SKA1: variants seen among roughly 807,000 people sequenced by gnomAD.
SKA1 encodes the protein SKA complex subunit 1.
SKA1 carries 20 observed loss-of-function variants against 31.8 expected under a neutral mutation model. That is an observed-to-expected ratio of 0.63 (90% CI 0.44 to 0.91). The LOEUF (loss-of-function observed/expected upper bound fraction) is 0.91. Among genes scored for constraint, SKA1 ranks in the 40% least tolerant of loss-of-function variants. The probability of loss-of-function intolerance (pLI) is 0.00; values close to 1 mark genes in which losing one functional copy is unlikely to be tolerated. For synonymous variants in SKA1, 88 were observed against 100.5 expected (o/e 0.88, Z 0.74); for missense variants, 253 against 298.2 (o/e 0.85, Z 1.12).
intron 3 of SKA1, among the ~76,000 whole-genome samples, chr18:50,381,334 G>A (rs1470292229): frequency 1.3e-5 from 2 of 152,184 alleles, no homozygotes; most frequent in African/African-American, 4.8e-5. Flanking sequence ...CATTAAGCTG[G>A]CATGTAGGTA....
chr18:50,384,094 T>C (rs2149321051), intron 4 of SKA1, among the ~76,000 whole-genome samples: 1 of 152,336 alleles, frequency 6.6e-6, no homozygotes, highest in South Asian at 2.1e-4. Context: ...TTCTAAGCTT[T>C]ATATTATGTT....
At chr18:50,383,555 C>G (rs1362923006) in intron 4 of SKA1, among the ~76,000 whole-genome samples, 3 of 152,186 alleles carry the variant, frequency 2.0e-5, no homozygotes, top group African/African-American at 7.2e-5. Context: ...CTCTTGTTCC[C>G]CACATATCCT....
chr18:50,379,226 G>T (rs1246980906), intron 2 of SKA1, among the ~76,000 whole-genome samples: 3 of 152,120 alleles, frequency 2.0e-5, no homozygotes, highest in African/African-American at 4.8e-5. Context: ...GGGAGGAAGG[G>T]ACTCTGATTT....
chr18:50,384,871 T>TAAAAAAAAAAAAAAAAAAG (rs2041292028), intron 4 of SKA1, among the ~76,000 whole-genome samples: 27 of 82,594 alleles, frequency 3.3e-4, no homozygotes, highest in Admixed American at 8.0e-4. Context: ...AAAAAAAAAT[T>TAAAAAAAAAAAAAAAAAAG]AAAAAAAAAA....
intron 4 of SKA1, among the ~76,000 whole-genome samples, chr18:50,382,881 A>C (rs2041273937): frequency 2.6e-5 from 4 of 152,102 alleles, no homozygotes; most frequent in Non-Finnish European, 5.9e-5. Flanking sequence ...AAAAATACAA[A>C]AAATTAGCCA....
In SKA1 at chr18:50,392,507, T is replaced by A. The variant is rs2149324442; in HGVS notation, c.*260T>A. 1 of 234,680 alleles carries A rather than the reference T, an allele frequency of 4.3e-6. No individual in the cohort carries two copies. The highest frequency in any genetic ancestry group is 2.3e-5 in the African/African-American group (1 of 44,388). 14.5% of individuals were successfully genotyped at this position (234,680 alleles called of 1,614,324 possible). ...CCTCAGCCCCCTGAATGGCTGGGAC[T>A]ACAAGCGTGCGCCACCATGCCTGGC... On this transcript the variant is annotated 3_prime_UTR_variant, in exon 7 of 7. Coordinates refer to ENST00000285116, the MANE Select transcript of SKA1 (RefSeq NM_145060.4).
At chr18:50,386,492 C>G (rs2041308971) in intron 5 of SKA1, among the ~76,000 whole-genome samples, 1 of 152,210 alleles carries the variant, frequency 6.6e-6, no homozygotes, top group African/African-American at 2.4e-5. Flanking sequence ...CTCCCCTGCA[C>G]ACAGTTTTCC....
At chr18:50,380,366 T>C (rs1370844296) in intron 3 of SKA1, 116 bp downstream of exon 3, 1 of 1,078,500 alleles carries the variant, frequency 9.3e-7, no homozygotes, top group Non-Finnish European at 1.3e-6. Flanking sequence ...AAATTATTAA[T>C]GGTACAGTAT....
intron 2 of SKA1, among the ~76,000 whole-genome samples, chr18:50,378,413 A>C (rs1308204879): frequency 2.6e-5 from 4 of 152,232 alleles, no homozygotes; most frequent in African/African-American, 9.6e-5. Flanking sequence ...GACCAGACAC[A>C]CACCTGTAAT....
chr18:50,384,692 TCTGGG>T (rs2041289175), intron 4 of SKA1, among the ~76,000 whole-genome samples: 1 of 106,454 alleles, frequency 9.4e-6, no homozygotes, highest in African/African-American at 4.8e-5. Context: ...AATATCACAC[TCTGGG>T]GACTGTGGTG....
At chr18:50,375,998 G>A in intron 2 of SKA1, 80 bp downstream of exon 2, 1 of 838,906 alleles carries the variant, frequency 1.2e-6, no homozygotes, top group Non-Finnish European at 1.9e-6. Context: ...TCTTTGCTTG[G>A]TTAAGTGACT....
In SKA1 at chr18:50,392,352, C is replaced by CTTTTT. The variant is rs375763517; in HGVS notation, c.*115_*119dup. 8.5e-4 allele frequency: 483 copies of CTTTTT among 571,348 alleles called. 4 individuals are homozygous for CTTTTT. The African/African-American group carries it at 9.2e-3, about 11-fold the overall frequency. The allele number at this position is 571,348 out of a possible 1,614,324, so 35.4% of individuals were successfully genotyped here. A position where few individuals can be genotyped will look rare whatever the true frequency, so the allele number is the denominator to read the frequency against. On this transcript the variant is annotated 3_prime_UTR_variant, in exon 7 of 7. Transcript: ENST00000285116. Reference sequence around the variant, plus strand: ...TTTAACTTTTAATCTTTTTTGTTTCCTTTTTTTTTTTTTTGAGACAGGATC... The same window carrying CTTTTT: ...TTTAACTTTTAATCTTTTTTGTTTCCTTTTTTTTTTTTTTTTTTTGAGACAGGATC...
chr18:50,386,986 G>A (rs968536422), intron 5 of SKA1, among the ~76,000 whole-genome samples: 2 of 152,176 alleles, frequency 1.3e-5, no homozygotes, highest in Non-Finnish European at 2.9e-5. Context: ...CGCTAAAAAC[G>A]TTCATGTGCA....
rs1401897357 is a variant in SKA1, at chr18:50,392,213, G to A, written c.734G>A (p.Arg245Gln). 1 of 1,600,348 alleles carries A rather than the reference G, an allele frequency of 6.2e-7. No individual in the cohort carries two copies. ...LRHCRRLSEVRGGGLTRYVIT is the reference protein window; with the variant it reads ...LRHCRRLSEVQGGGLTRYVIT ...CACTGCCGGAGGCTATCAGAGGTCC[G>A]AGGGGGAGGACTTACTCGTTATGTT... Residue 245 changes from arginine (R) to glutamine (Q), a missense_variant, in exon 7 of 7, where the codon CGA becomes CAA. By Grantham distance (43) the Arg-to-Gln change is conservative. Transcript: ENST00000285116.
chr18:50,389,275 C>T (rs374573753), intron 5 of SKA1, among the ~76,000 whole-genome samples: 6 of 151,896 alleles, frequency 4.0e-5, no homozygotes, highest in African/African-American at 1.4e-4. Flanking sequence ...TTGAAAAATA[C>T]CTGGCTCTTT....
At position 50,385,235 on chromosome 18, in the gene SKA1, G is replaced by C; in HGVS notation, c.331G>C (p.Asp111His). Residue 111 changes from aspartate (D) to histidine (H), a missense_variant, in exon 5 of 7, where the codon GAT (aspartate) becomes CAT (histidine). Asp to His is a moderately conservative substitution (Grantham distance 81). Coordinates refer to ENST00000285116, the MANE Select transcript of SKA1 (RefSeq NM_145060.4). Reference sequence around the variant, plus strand: ...CTGTAGTGTTAAGGGATCAGATCTTGATCCTGAAGAACCAATCAAAGTTGA... The same window carrying C: ...CTGTAGTGTTAAGGGATCAGATCTTCATCCTGAAGAACCAATCAAAGTTGA... Reference protein sequence around the residue: ...TQSCVKGSDLDPEEPIKVEEP... With the variant: ...TQSCVKGSDLHPEEPIKVEEP... 6.2e-7 allele frequency: 1 copy of C among 1,613,300 alleles called. No homozygotes were observed. Among genetic ancestry groups the C allele is most frequent in the Non-Finnish European group, 8.5e-7 (1 of 1,179,688 alleles).
intron 3 of SKA1, among the ~76,000 whole-genome samples, chr18:50,380,732 AG>A (rs1427171761): frequency 6.6e-6 from 1 of 152,238 alleles, no homozygotes; most frequent in African/African-American, 2.4e-5. Context: ...AGGTAATATA[AG>A]GGTTCTCAGG....
In SKA1 at chr18:50,392,049, CTT is replaced by C. The variant is rs761136830; in HGVS notation, c.620-47_620-46del. The C allele has an allele frequency of 3.5e-6, 5 of 1,438,338 alleles. No individual in the cohort carries two copies. The Admixed American group carries it at 9.9e-5, about 28-fold the overall frequency. The allele number at this position is 1,438,338 out of a possible 1,614,324, so 89.1% of individuals were successfully genotyped here. A position where few individuals can be genotyped will look rare whatever the true frequency, so the allele number is the denominator to read the frequency against. On this transcript the variant is annotated intron_variant, in intron 6 of 6. Coordinates refer to ENST00000285116, the MANE Select transcript of SKA1 (RefSeq NM_145060.4). ...TTCACAACTTAATGTATTAAAGACT[CTT>C]TTGCAAGTTGGCCTTATAAAAATTA...
Position 50,382,031 on chromosome 18 carries a change from A to G in SKA1, c.214-98A>G. 5.3e-6 allele frequency: 4 copies of G among 754,278 alleles called. No homozygotes were observed. In the South Asian group the frequency reaches 5.6e-5, roughly 11 times the overall value. 46.7% of individuals were successfully genotyped at this position (754,278 alleles called of 1,614,324 possible). On this transcript the variant is annotated intron_variant, in intron 3 of 6. Transcript: ENST00000285116. ...TGAGCCACCGCGTCCAGCCACAGTC[A>G]CTGTGATTATGGTTCACTGTTTTCC...
Sources: allele counts gnomAD v4.1 joint callset (sites outside exome capture counted in the v4.1 genomes callset), GRCh38; gene constraint gnomAD v4.1.1; transcripts MANE v1.5; gene names NCBI Gene and HGNC (gene_info 2026-07-23, HGNC 2026-07-21).